The following KCNJ3 variants were observed in gnomAD, a reference collection of about 807,000 sequenced individuals.
The protein encoded by KCNJ3 is G protein-activated inward rectifier potassium channel 1.
Under a neutral mutation model 39.2 loss-of-function variants are expected in KCNJ3, and 4 were observed. The ratio of observed to expected loss-of-function variants is 0.10; its 90% CI spans 0.05 to 0.23. KCNJ3 has a LOEUF of 0.23. Ranked by LOEUF, KCNJ3 falls within the 10% of genes least tolerant of loss-of-function variation. The pLI, the probability that KCNJ3 is intolerant of heterozygous loss-of-function variation, is 1.00. For synonymous variants in KCNJ3, 230 were observed against 237.4 expected (o/e 0.97, Z 0.29); for missense variants, 276 against 634.9 (o/e 0.43, Z 6.08).
At chr2:154,725,432 G>A (rs957559901) in intron 2 of KCNJ3, among the ~76,000 whole-genome samples, 6 of 151,436 alleles carry the variant, frequency 4.0e-5, no homozygotes, top group African/African-American at 7.3e-5. Flanking sequence ...CCTGAGAAAC[G>A]TTTTCCAGTT....
Position 154,814,623 on chromosome 2 carries a change from GCAAGACTCCGTCT to G in KCNJ3, c.920-40100_920-40088del, listed in dbSNP as rs1687053642. Among the ~76,000 whole-genome samples the G allele has an allele frequency of 2.0e-5, 3 of 151,914 alleles. No homozygotes were observed. The South Asian group carries it at 6.2e-4, about 31-fold the overall frequency. On this transcript the variant is annotated intron_variant, in intron 2 of 2. Transcript: ENST00000295101. ...CTGTGCTCCAGCCTGGGCAACAAGA[GCAAGACTCCGTCT>G]CAAAAAAAATAAATAAATAAAACAA... is the stretch of plus-strand genomic sequence containing the variant.
chr2:154,733,313 C>A (rs975830784), intron 2 of KCNJ3, among the ~76,000 whole-genome samples: 2 of 151,996 alleles, frequency 1.3e-5, no homozygotes, highest in African/African-American at 4.8e-5. Context: ...CTACTTCCTG[C>A]AAAATTAGCC....
intron 2 of KCNJ3, among the ~76,000 whole-genome samples, chr2:154,848,022 A>G (rs1301332658): frequency 6.6e-6 from 1 of 152,192 alleles, no homozygotes; most frequent in Non-Finnish European, 1.5e-5. Context: ...GTTATTCAGG[A>G]AAGTAGTTAG....
intron 2 of KCNJ3, among the ~76,000 whole-genome samples, chr2:154,804,004 A>AT (rs1686867017): frequency 6.6e-6 from 1 of 152,022 alleles, no homozygotes; most frequent in South Asian, 2.1e-4. Context: ...TTTCAAGCTT[A>AT]TTTTTTAAAA....
At chr2:154,854,622 G>A (rs1574488005) in intron 2 of KCNJ3, 105 bp from the exon 3 acceptor site, 1 of 768,456 alleles carries the variant, frequency 1.3e-6, no homozygotes, top group African/African-American at 1.7e-5. Flanking sequence ...CAGATAAACA[G>A]TCCAAAACCT....
chr2:154,763,567 C>T (rs1053020952), intron 2 of KCNJ3, among the ~76,000 whole-genome samples: 23 of 152,106 alleles, frequency 1.5e-4, no homozygotes, highest in Non-Finnish European at 5.9e-5. Context: ...GTACTCACTT[C>T]AGGGTCTTCC....
intron 2 of KCNJ3, among the ~76,000 whole-genome samples, chr2:154,797,684 T>A (rs1318619667): frequency 1.3e-5 from 2 of 152,236 alleles, no homozygotes; most frequent in East Asian, 1.9e-4. Flanking sequence ...ACATATGTCC[T>A]ACTGTAACTT....
intron 2 of KCNJ3, among the ~76,000 whole-genome samples, chr2:154,786,694 C>T (rs1162664736): frequency 1.3e-5 from 2 of 152,094 alleles, no homozygotes; most frequent in Non-Finnish European, 2.9e-5. Context: ...CTGCCTACAT[C>T]ATGAATCACT....
chr2:154,701,744 C>T (rs1020687946), intron 1 of KCNJ3, among the ~76,000 whole-genome samples: 8 of 152,006 alleles, frequency 5.3e-5, no homozygotes, highest in African/African-American at 1.9e-4. Flanking sequence ...AGGAAGATGT[C>T]AGTGCTAGAA....
At chr2:154,763,317 T>C (rs1035033017) in intron 2 of KCNJ3, among the ~76,000 whole-genome samples, 2 of 152,162 alleles carry the variant, frequency 1.3e-5, no homozygotes, top group African/African-American at 4.8e-5. Flanking sequence ...TTTCTCTAGG[T>C]GGGGCTGTAG....
At chr2:154,771,541 G>C (rs1686242086) in intron 2 of KCNJ3, among the ~76,000 whole-genome samples, 1 of 152,084 alleles carries the variant, frequency 6.6e-6, no homozygotes, top group African/African-American at 2.4e-5. Context: ...GTAGCTAAAG[G>C]TATAAAAATG....
chr2:154,772,425 A>G (rs577182229), intron 2 of KCNJ3, among the ~76,000 whole-genome samples: 1 of 152,222 alleles, frequency 6.6e-6, no homozygotes, highest in East Asian at 1.9e-4. Flanking sequence ...TTAATTTGCT[A>G]CATACTTTGG....
At chr2:154,740,251 A>G (rs1685629512) in intron 2 of KCNJ3, among the ~76,000 whole-genome samples, 1 of 151,936 alleles carries the variant, frequency 6.6e-6, no homozygotes, top group Non-Finnish European at 1.5e-5. Flanking sequence ...GGCTTCTGTT[A>G]TTATTTCCTT....
intron 2 of KCNJ3, among the ~76,000 whole-genome samples, chr2:154,842,994 T>C (rs930157140): frequency 6.6e-6 from 1 of 152,198 alleles, no homozygotes; most frequent in East Asian, 1.9e-4. Context: ...TGTTCACTGC[T>C]TATTTTGCCC....
At chr2:154,845,697 A>G (rs985000780) in intron 2 of KCNJ3, among the ~76,000 whole-genome samples, 17 of 152,038 alleles carry the variant, frequency 1.1e-4, no homozygotes, top group African/African-American at 3.9e-4. Flanking sequence ...TAGGCCAGGT[A>G]CAGTGGCTCA....
intron 2 of KCNJ3, among the ~76,000 whole-genome samples, chr2:154,813,484 C>G (rs1558880734): frequency 6.6e-6 from 1 of 152,170 alleles, no homozygotes; most frequent in African/African-American, 2.4e-5. Flanking sequence ...TATTAGAATC[C>G]AAAGTTTAAT....
intron 2 of KCNJ3, among the ~76,000 whole-genome samples, chr2:154,799,158 G>A (rs185612392): frequency 3.7e-4 from 57 of 152,254 alleles, no homozygotes; most frequent in Admixed American, 7.8e-4. Flanking sequence ...TTTTAACAGA[G>A]TCTTGCTCTG....
chr2:154,796,717 A>G (rs1175693425), intron 2 of KCNJ3, among the ~76,000 whole-genome samples: 1 of 152,170 alleles, frequency 6.6e-6, no homozygotes, highest in Non-Finnish European at 1.5e-5. Context: ...CATTTAAAGT[A>G]GACTACCTAG....
rs1684833275 is a variant in KCNJ3, at chr2:154,698,771, G to A, written c.-5G>A. 1 of 1,589,946 alleles carries A rather than the reference G, an allele frequency of 6.3e-7. No homozygotes were observed. The highest frequency in any genetic ancestry group is 8.6e-7 in the Non-Finnish European group (1 of 1,162,704). On this transcript the variant is annotated 5_prime_UTR_variant, in exon 1 of 3. Coordinates refer to ENST00000295101, the MANE Select transcript of KCNJ3 (RefSeq NM_002239.4). ...GCGTTTGAATCTGGCTCGCCCCTTC[G>A]TATTATGTCTGCACTCCGAAGGAAA...
Sources: gnomAD v4.1 joint callset for allele counts (sites outside exome capture counted in the v4.1 genomes callset) on GRCh38, gnomAD v4.1.1 for gene constraint, MANE v1.5 for transcripts, NCBI Gene and HGNC (gene_info 2026-07-23, HGNC 2026-07-21) for gene names.